The following GRM8 variants were observed in gnomAD, a reference collection of about 807,000 sequenced individuals.
GRM8 encodes the protein metabotropic glutamate receptor 8.
GRM8 carries 47 observed loss-of-function variants against 87.2 expected under a neutral mutation model. That is an observed-to-expected ratio of 0.54 (90% CI 0.43 to 0.69). GRM8 has a LOEUF of 0.69. GRM8 is among the 30% of genes least tolerant of loss of function. GRM8 has a pLI of 0.00. For missense variants in GRM8, 1,019 were observed against 1,139.2 expected, an observed-to-expected ratio of 0.89 and a Z score of 1.52; for synonymous variants, 396 against 404.5, an observed-to-expected ratio of 0.98 and a Z score of 0.25.
chr7:127,177,800 G>A (rs1189013512), intron 2 of GRM8, among the ~76,000 whole-genome samples: 2 of 152,172 alleles, frequency 1.3e-5, no homozygotes, highest in African/African-American at 2.4e-5. Flanking sequence ...GGAAAATAGG[G>A]AGGGTACTAC....
chr7:127,150,143 C>T (rs1006573183), intron 2 of GRM8, among the ~76,000 whole-genome samples: 1 of 152,042 alleles, frequency 6.6e-6, no homozygotes, highest in African/African-American at 2.4e-5. Flanking sequence ...TGAATATATA[C>T]AATACAATTT....
intron 7 of GRM8, among the ~76,000 whole-genome samples, chr7:126,616,260 T>A (rs1275677540): frequency 6.6e-6 from 1 of 152,226 alleles, no homozygotes; most frequent in African/African-American, 2.4e-5. Flanking sequence ...CTGAACAACC[T>A]GCTCCTGAAT....
chr7:126,700,403 C>T (rs1316564163), intron 7 of GRM8, among the ~76,000 whole-genome samples: 1 of 151,992 alleles, frequency 6.6e-6, no homozygotes, highest in Admixed American at 6.6e-5. Context: ...TTTAAGAAAA[C>T]CTGTTTCAGT....
chr7:126,723,987 T>G (rs1812701705), intron 7 of GRM8, among the ~76,000 whole-genome samples: 1 of 152,042 alleles, frequency 6.6e-6, no homozygotes, highest in African/African-American at 2.4e-5. Flanking sequence ...TTAGTTTCCC[T>G]TCAAAACCTA....
intron 3 of GRM8, among the ~76,000 whole-genome samples, chr7:127,027,627 C>T (rs1200870309): frequency 2.6e-5 from 4 of 151,970 alleles, no homozygotes; most frequent in African/African-American, 9.7e-5. Flanking sequence ...CACGATTTGG[C>T]TGTTTGTCTG....
chr7:127,098,044 C>G (rs1824851263), intron 3 of GRM8, among the ~76,000 whole-genome samples: 1 of 152,160 alleles, frequency 6.6e-6, no homozygotes, highest in Non-Finnish European at 1.5e-5. Flanking sequence ...AAATCATATG[C>G]ATGTCCTTTG....
intron 3 of GRM8, among the ~76,000 whole-genome samples, chr7:126,942,167 C>T (rs1284748033): frequency 6.6e-6 from 1 of 152,130 alleles, no homozygotes. Flanking sequence ...CATCTACACT[C>T]CCAATAATCA....
chr7:127,067,156 G>C (rs1403506745), intron 3 of GRM8, among the ~76,000 whole-genome samples: 1 of 152,130 alleles, frequency 6.6e-6, no homozygotes. Context: ...GGGCCCTGTT[G>C]CCCTTCATCT....
At chr7:126,881,446 G>A (rs928162149) in intron 6 of GRM8, among the ~76,000 whole-genome samples, 5 of 152,144 alleles carry the variant, frequency 3.3e-5, no homozygotes, top group African/African-American at 1.2e-4. Context: ...TTCTCTTCCT[G>A]CCCTCCAATA....
At chr7:126,450,629 T>TA (rs954661779) in intron 9 of GRM8, among the ~76,000 whole-genome samples, 1 of 151,800 alleles carries the variant, frequency 6.6e-6, no homozygotes, top group African/African-American at 2.4e-5. Flanking sequence ...GAAGTGATTT[T>TA]TTTTTTTTAA....
chr7:126,855,035 T>C (rs1175221845), intron 6 of GRM8, among the ~76,000 whole-genome samples: 1 of 152,214 alleles, frequency 6.6e-6, no homozygotes, highest in African/African-American at 2.4e-5. Flanking sequence ...CTTTCAGTTT[T>C]TCCCTGTTCA....
chr7:126,890,652 C>T (rs534539919), intron 6 of GRM8, among the ~76,000 whole-genome samples: 7 of 152,108 alleles, frequency 4.6e-5, no homozygotes, highest in African/African-American at 7.2e-5. Context: ...AGATATTACT[C>T]GGAAGGACTC....
chr7:127,250,115 C>T (rs749975512), intron 1 of GRM8, among the ~76,000 whole-genome samples: 5 of 152,200 alleles, frequency 3.3e-5, no homozygotes, highest in African/African-American at 7.2e-5. Context: ...GACAATGGAA[C>T]ATTCATACAC....
chr7:126,947,544 GCACA>G (rs1209254591), intron 3 of GRM8, among the ~76,000 whole-genome samples: 1 of 151,362 alleles, frequency 6.6e-6, no homozygotes, highest in Non-Finnish European at 1.5e-5. Context: ...GTATATATAT[GCACA>G]CACATACACA....
At chr7:127,239,736 T>G (rs193086918) in intron 2 of GRM8, among the ~76,000 whole-genome samples, 13 of 152,326 alleles carry the variant, frequency 8.5e-5, no homozygotes, top group African/African-American at 2.9e-4. Context: ...TGCTTTATAA[T>G]TAATACTACA....
Position 126,489,938 on chromosome 7 carries a change from G to T in GRM8, c.2430+43014C>A, listed in dbSNP as rs548075671. Among the ~76,000 whole-genome samples, 8 of 152,016 alleles carry T rather than the reference G, an allele frequency of 5.3e-5. No homozygotes were observed. The South Asian group carries it at 1.5e-3, about 28-fold the overall frequency. Reference sequence around the variant, plus strand: ...CCTCCCCCTCCCCCACCAGAGCCAAGACATCAGAGTTTCTGGTTCTTGGGC... The same window carrying T: ...CCTCCCCCTCCCCCACCAGAGCCAATACATCAGAGTTTCTGGTTCTTGGGC... On this transcript the variant is annotated intron_variant, in intron 9 of 10. Coordinates refer to ENST00000339582, the MANE Select transcript of GRM8 (RefSeq NM_000845.3).
At chr7:127,216,517 C>CAAAAAAAAAAAA (rs58730624) in intron 2 of GRM8, among the ~76,000 whole-genome samples, 62 of 62,948 alleles carry the variant, frequency 9.8e-4, no homozygotes, top group Middle Eastern at 0.013. Context: ...GACTCCGTCT[C>CAAAAAAAAAAAA]AAAAAAAAAA....
chr7:127,020,684 C>G (rs561771964), intron 3 of GRM8, among the ~76,000 whole-genome samples: 1 of 152,132 alleles, frequency 6.6e-6, no homozygotes, highest in East Asian at 1.9e-4. Context: ...TCATTTAATA[C>G]AAATGTGTTA....
intron 2 of GRM8, among the ~76,000 whole-genome samples, chr7:127,206,221 T>C (rs1482730426): frequency 6.6e-6 from 1 of 152,242 alleles, no homozygotes; most frequent in Non-Finnish European, 1.5e-5. Context: ...TCCAGCAATG[T>C]GCTTTGCGAT....
Sources: allele counts gnomAD v4.1 joint callset (sites outside exome capture counted in the v4.1 genomes callset), GRCh38; gene constraint gnomAD v4.1.1; transcripts MANE v1.5; gene names NCBI Gene and HGNC (gene_info 2026-07-23, HGNC 2026-07-21).